ASPH: variants seen among roughly 807,000 people sequenced by gnomAD.
ASPH encodes aspartate beta-hydroxylase.
In ASPH, 100 loss-of-function variants were observed where a neutral mutation model predicts 118.4. The observed-to-expected ratio is 0.84, with a 90% CI of 0.72 to 1.00. The LOEUF (loss-of-function observed/expected upper bound fraction) is 1.00. Among genes scored for constraint, ASPH ranks in the 50% least tolerant of loss-of-function variants. ASPH has a pLI of 0.00. For missense variants in ASPH, 920 were observed against 919.5 expected, an observed-to-expected ratio of 1.00 and a Z score of -0.01; for synonymous variants, 315 against 325.6, an observed-to-expected ratio of 0.97 and a Z score of 0.35.
At chr8:61,504,303 T>C (rs1805595091) in intron 24 of ASPH, among the ~76,000 whole-genome samples, 1 of 152,190 alleles carries the variant, frequency 6.6e-6, no homozygotes, top group African/African-American at 2.4e-5. Context: ...TGCCAATATA[T>C]TAAATACCAA....
intron 13 of ASPH, among the ~76,000 whole-genome samples, chr8:61,629,609 T>C (rs1033073876): frequency 3.3e-5 from 5 of 152,324 alleles, no homozygotes; most frequent in African/African-American, 1.2e-4. Flanking sequence ...CACTTACAAA[T>C]TTATAAATAT....
chr8:61,637,544 A>G (rs999035415), intron 12 of ASPH, among the ~76,000 whole-genome samples: 2 of 152,144 alleles, frequency 1.3e-5, no homozygotes, highest in Admixed American at 6.5e-5. Flanking sequence ...CAAAAAAAAA[A>G]AAATTTGTTT....
intron 14 of ASPH, among the ~76,000 whole-genome samples, chr8:61,588,533 T>A (rs1263156599): frequency 6.6e-6 from 1 of 152,202 alleles, no homozygotes; most frequent in Non-Finnish European, 1.5e-5. Context: ...CTGAAGACAG[T>A]GAAGAAAACA....
At chr8:61,567,748 G>C (rs905114166) in intron 16 of ASPH, among the ~76,000 whole-genome samples, 1 of 152,168 alleles carries the variant, frequency 6.6e-6, no homozygotes. Flanking sequence ...AACTGACAAA[G>C]CCCTTTTTGC....
chr8:61,671,909 C>T (rs1156762926), intron 3 of ASPH, among the ~76,000 whole-genome samples: 1 of 152,256 alleles, frequency 6.6e-6, no homozygotes, highest in East Asian at 1.9e-4. Flanking sequence ...ATTACAGATA[C>T]ACAAGTAGCT....
chr8:61,523,703 A>T (rs543429961), intron 22 of ASPH, among the ~76,000 whole-genome samples: 1 of 152,096 alleles, frequency 6.6e-6, no homozygotes, highest in Non-Finnish European at 1.5e-5. Flanking sequence ...CAAACCAAAG[A>T]CCATAAAGAA....
chr8:61,712,855 C>T (rs1838376234), intron 1 of ASPH, among the ~76,000 whole-genome samples: 1 of 152,200 alleles, frequency 6.6e-6, no homozygotes, highest in East Asian at 1.9e-4. Context: ...ACATGCTTCT[C>T]TGGCAAATAG....
chr8:61,656,944 T>C (rs1814001327), intron 3 of ASPH: 5 of 152,378 alleles, frequency 3.3e-5, no homozygotes, highest in African/African-American at 1.2e-4. Context: ...CTAAATTGTA[T>C]GTTGTATTTA....
At chr8:61,515,720 C>A (rs896979018) in intron 24 of ASPH, among the ~76,000 whole-genome samples, 11 of 152,192 alleles carry the variant, frequency 7.2e-5, no homozygotes, top group African/African-American at 2.7e-4. Context: ...TTGCCTCATG[C>A]CTCCCAAATT....
chr8:61,567,339 G>A, intron 16 of ASPH, 21 bp from the exon 17 acceptor site: 1 of 1,598,728 alleles, frequency 6.3e-7, no homozygotes. Context: ...TCCCCAGACT[G>A]GATAAATGTC....
At chr8:61,702,885 A>G (rs2151877204) in intron 1 of ASPH, among the ~76,000 whole-genome samples, 1 of 152,340 alleles carries the variant, frequency 6.6e-6, no homozygotes, top group Middle Eastern at 3.4e-3. Context: ...AGGTGCAGAG[A>G]AAATATTCCG....
chr8:61,646,918 G>A (rs779099095), intron 5 of ASPH, 40 bp from the exon 6 acceptor site: 7 of 1,611,912 alleles, frequency 4.3e-6, no homozygotes, highest in Non-Finnish European at 5.9e-6. Context: ...ACATACAACT[G>A]AGACATGAAA....
chr8:61,656,652 C>T (rs1400612469), intron 3 of ASPH: 1 of 152,222 alleles, frequency 6.6e-6, no homozygotes, highest in African/African-American at 2.4e-5. Context: ...CATTAATTCC[C>T]TTAAAACATA....
Position 61,646,416 on chromosome 8 carries a change from T to C in ASPH, c.619+334A>G, listed in dbSNP as rs532633822. Among the ~76,000 whole-genome samples, 101 of 152,336 alleles carry C rather than the reference T, an allele frequency of 6.6e-4. 1 individual carries two copies. Among genetic ancestry groups the C allele is most frequent in the Non-Finnish European group, 1.3e-3 (86 of 68,030 alleles). ...TTCATGTGTGAACATGAGCCTGTGA[T>C]AGATTATCAAGTCCAATATTTCATC... On this transcript the variant is annotated intron_variant, in intron 6 of 24. Transcript: ENST00000379454.
Position 61,582,407 on chromosome 8 carries a change from T to G in ASPH, c.1062+1537A>C, listed in dbSNP as rs548774242. 2.6e-3 allele frequency among the ~76,000 whole-genome samples: 392 copies of G among 152,262 alleles called. 2 individuals carry two copies. The highest frequency in any genetic ancestry group is 4.1e-3 in the Non-Finnish European group (278 of 68,032). On this transcript the variant is annotated intron_variant, in intron 15 of 24. Coordinates refer to ENST00000379454, the MANE Select transcript of ASPH (RefSeq NM_004318.4). ...ACATTTAGTATAGAGAAAGTGGAGG[T>G]TGCCAAAGGAGGTGGCAGAAAAAGA...
At chr8:61,651,016 T>A (rs117099604) in intron 5 of ASPH, 34 bp downstream of exon 5, 18,544 of 1,564,806 alleles carry the variant, frequency 0.012, 133 homozygotes, top group Non-Finnish European at 0.014. Flanking sequence ...GTTATTTTAG[T>A]AACTCAAAAC....
intron 13 of ASPH, among the ~76,000 whole-genome samples, chr8:61,620,118 C>G (rs908631938): frequency 6.6e-6 from 1 of 152,118 alleles, no homozygotes; most frequent in African/African-American, 2.4e-5. Flanking sequence ...TTTTATAAGT[C>G]AAGTGTTCTT....
chr8:61,550,312 T>G, intron 20 of ASPH, among the ~76,000 whole-genome samples: 1 of 152,128 alleles, frequency 6.6e-6, no homozygotes, highest in East Asian at 1.9e-4. Context: ...AAATAGACAG[T>G]AGGAGGCCCT....
intron 13 of ASPH, among the ~76,000 whole-genome samples, chr8:61,627,050 C>T (rs1853211500): frequency 6.6e-6 from 1 of 152,070 alleles, no homozygotes; most frequent in Non-Finnish European, 1.5e-5. Context: ...ACATGTGCAA[C>T]CAAAACTTTT....
Sources: allele counts gnomAD v4.1 joint callset (sites outside exome capture counted in the v4.1 genomes callset), GRCh38; gene constraint gnomAD v4.1.1; transcripts MANE v1.5; gene names NCBI Gene and HGNC (gene_info 2026-07-23, HGNC 2026-07-21).